Variants in MBP observed in about 807,000 individuals in gnomAD.
The protein encoded by MBP is myelin basic protein.
A neutral mutation model predicts 35.8 loss-of-function variants in MBP; 16 were observed. That is an observed-to-expected ratio of 0.45 (90% CI 0.30 to 0.68). The LOEUF (loss-of-function observed/expected upper bound fraction) is 0.68, where lower values mean the gene tolerates loss of function less well. Among genes scored for constraint, MBP ranks in the 30% least tolerant of loss-of-function variants. The pLI is 0.08. For synonymous variants in MBP, 143 were observed against 159.6 expected, an observed-to-expected ratio of 0.90 and a Z score of 0.78; for missense variants, 380 against 404.7, an observed-to-expected ratio of 0.94 and a Z score of 0.52.
rs1326884521 is a variant in MBP at position 77,131,075 on chromosome 18, GCACGCACGCGCACACACACACACA to G, written c.-26+1481_-26+1504del. Among the ~76,000 whole-genome samples the G allele has an allele frequency of 1.0e-4, 2 of 19,746 alleles. No individual in the cohort carries two copies. Among genetic ancestry groups the G allele is most frequent in the Non-Finnish European group, 2.5e-4 (1 of 4,018 alleles). The allele number at this position is 19,746 out of a possible 152,430, so 13.0% of individuals were successfully genotyped here. ...CAAAAAACAAAACACACACACGCGC[GCACGCACGCGCACACACACACACA>G]CACACACACACACACACACACCCCC... is the stretch of plus-strand genomic sequence containing the variant. On this transcript the variant is annotated intron_variant, in intron 1 of 8. Transcript: ENST00000355994. The surrounding 1 kb of genome is among the most constrained non-coding windows in gnomAD (Gnocchi z 5.5).
In MBP at chr18:77,087,772, CCTT is replaced by C; in HGVS notation, c.51+17436_51+17438del. The C allele has an allele frequency of 2.0e-5, 3 of 151,938 alleles. No homozygotes were observed. In the South Asian group the frequency reaches 6.2e-4, roughly 32 times the overall value. The allele number at this position is 151,938 out of a possible 1,614,324, so 9.4% of individuals were successfully genotyped here. ...CTTCCAGGCAGGCGCTGGGATGGGGCCTTCTCCTCCCAGGGTCGCCCTGGGGAC... is the reference window on the plus strand; with the variant it reads ...CTTCCAGGCAGGCGCTGGGATGGGGCCTCCTCCCAGGGTCGCCCTGGGGAC... On this transcript the variant is annotated intron_variant, in intron 2 of 8. Transcript: ENST00000355994.
chr18:77,092,490 T>G (rs1975576579), intron 2 of MBP, among the ~76,000 whole-genome samples: 1 of 152,106 alleles, frequency 6.6e-6, no homozygotes, highest in Admixed American at 6.6e-5. Context: ...GGCCCCAGAC[T>G]CGAGAATTCG....
intron 2 of MBP, among the ~76,000 whole-genome samples, chr18:77,071,648 G>T (rs557554340): frequency 1.3e-5 from 2 of 152,294 alleles, no homozygotes; most frequent in South Asian, 4.1e-4. Flanking sequence ...TAAAAGTCTT[G>T]TCTGGTTCTG....
At chr18:77,057,824 G>GATTTTTTTTT (rs1973785086) in intron 3 of MBP, among the ~76,000 whole-genome samples, 1 of 9,192 alleles carries the variant, frequency 1.1e-4, no homozygotes, top group East Asian at 6.9e-3. Flanking sequence ...GGCGGGGAGT[G>GATTTTTTTTT]TTTTTTTTTT....
intron 3 of MBP, among the ~76,000 whole-genome samples, chr18:77,062,730 A>G (rs891194362): frequency 1.3e-5 from 2 of 152,182 alleles, no homozygotes; most frequent in South Asian, 2.1e-4. Context: ...TGAGCACTCA[A>G]TGTGTGAACC....
intron 4 of MBP, chr18:77,009,809 AC>A (rs1394798783): frequency 6.6e-7 from 1 of 1,512,382 alleles, no homozygotes; most frequent in Non-Finnish European, 8.9e-7. Flanking sequence ...ACGGCAGGTC[AC>A]CCCTGGCCCC....
At position 77,017,130 on chromosome 18, in the gene MBP, C is replaced by T. The variant is rs761443800; in HGVS notation, c.278G>A (p.Arg93His). ...CCCCGGGGCATCTCGGGAAAAGAGG[C>T]GGATCAAGTGGGGGCGGCTCCCTGG... The part of the protein sequence containing the change: ...ADPGSRPHLI[R>H]LFSRDAPGRE... Residue 93 changes from arginine to histidine, a missense_variant, in exon 4 of 9, where the codon CGC becomes CAC. Arg to His is a conservative substitution (Grantham distance 29). Transcript: ENST00000355994. 4 of 1,581,494 alleles carry T rather than the reference C, an allele frequency of 2.5e-6. No individual in the cohort carries two copies. The highest frequency in any genetic ancestry group is 3.5e-5 in the Admixed American group (2 of 56,906).
In MBP at chr18:77,066,363, TCTC is replaced by T. The variant is rs1421244122; in HGVS notation, c.71_73del (p.Gly24del). The T allele has an allele frequency of 6.2e-7, 1 of 1,612,900 alleles. No homozygotes were observed. Among genetic ancestry groups the T allele is most frequent in the East Asian group, 2.2e-5 (1 of 44,876 alleles). Reference sequence around the variant, plus strand: ...ACCCAGGTTTCTCTTTTTTTCAGATTCTCCTCTGTTAGTTTCACTATTCTGGAA... The same window carrying T: ...ACCCAGGTTTCTCTTTTTTTCAGATTCTCTGTTAGTTTCACTATTCTGGAA... On this transcript the variant is annotated inframe_deletion, in exon 3 of 9. Transcript: ENST00000355994.
At position 76,989,008 on chromosome 18, in the gene MBP, A is replaced by G. The variant is rs1474474072; in HGVS notation, c.682-96T>C. ...TGCCTGCTGAGGGTGGCTAGCATCC[A>G]TCAGCTGCCAGAAGCACCCGGGTGC... On this transcript the variant is annotated intron_variant, in intron 5 of 8. Coordinates refer to ENST00000355994, the MANE Select transcript of MBP (RefSeq NM_001025101.2). The surrounding 1 kb of genome is among the most constrained non-coding windows in gnomAD (Gnocchi z 4.0). The G allele has an allele frequency of 2.5e-6, 3 of 1,208,472 alleles. No individual in the cohort carries two copies. Among genetic ancestry groups the G allele is most frequent in the African/African-American group, 3.0e-5 (2 of 66,886 alleles). 74.9% of individuals were successfully genotyped at this position (1,208,472 alleles called of 1,614,324 possible).
chr18:77,097,418 A>G (rs1404135730), intron 2 of MBP: 1 of 152,202 alleles, frequency 6.6e-6, no homozygotes, highest in Non-Finnish European at 1.5e-5. Flanking sequence ...TCCTCTGCAT[A>G]ACAAAAGATG....
chr18:77,040,473 G>A (rs1255436483), intron 3 of MBP, among the ~76,000 whole-genome samples: 4 of 152,098 alleles, frequency 2.6e-5, no homozygotes, highest in Non-Finnish European at 4.4e-5. Context: ...GCATTGCCAA[G>A]TCAATCCTAG....
intron 2 of MBP, among the ~76,000 whole-genome samples, chr18:77,073,561 G>C (rs1161598030): frequency 6.6e-6 from 1 of 152,240 alleles, no homozygotes; most frequent in Non-Finnish European, 1.5e-5. Flanking sequence ...GAATCCTTTA[G>C]AACTGTCAGT....
At chr18:77,029,074 G>A (rs188355622) in intron 3 of MBP, among the ~76,000 whole-genome samples, 1,676 of 98,178 alleles carry the variant, frequency 0.017, 87 homozygotes, top group African/African-American at 0.047. Flanking sequence ...GGGAGGTGGA[G>A]GTTGTAGCGA....
chr18:77,083,099 G>A (rs139639664), intron 2 of MBP, among the ~76,000 whole-genome samples: 14 of 151,892 alleles, frequency 9.2e-5, no homozygotes, highest in Admixed American at 4.6e-4. Context: ...TCAGCCCCCC[G>A]AGTAGCTGGG....
intron 4 of MBP, among the ~76,000 whole-genome samples, chr18:76,998,797 G>T (rs1276058991): frequency 1.3e-5 from 2 of 152,120 alleles, no homozygotes; most frequent in African/African-American, 2.4e-5. Flanking sequence ...ATCTGGGTCT[G>T]CAGTCCTTTC....
chr18:77,107,131 T>C (rs1352511215), intron 1 of MBP, among the ~76,000 whole-genome samples: 2 of 152,212 alleles, frequency 1.3e-5, no homozygotes, highest in African/African-American at 4.8e-5. Context: ...ACACACATTA[T>C]AGAATAAAAA....
intron 4 of MBP, among the ~76,000 whole-genome samples, chr18:76,991,669 T>C (rs1969929298): frequency 6.6e-6 from 1 of 152,134 alleles, no homozygotes; most frequent in African/African-American, 2.4e-5. Flanking sequence ...ATAGCCTGCA[T>C]GTAAAGAGCC....
chr18:76,985,726 CA>C, intron 7 of MBP: 1 of 1,008,670 alleles, frequency 9.9e-7, no homozygotes, highest in Middle Eastern at 5.0e-4. Context: ...TGGCCTTGGG[CA>C]AGGGCAGGAA....
chr18:77,034,682 T>C (rs1358409901), intron 3 of MBP, among the ~76,000 whole-genome samples: 1 of 152,096 alleles, frequency 6.6e-6, no homozygotes, highest in Admixed American at 6.5e-5. Flanking sequence ...AAGACGGAAA[T>C]TAATAAAATC....
Sources: allele counts gnomAD v4.1 joint callset (sites outside exome capture counted in the v4.1 genomes callset), GRCh38; gene constraint gnomAD v4.1.1; non-coding constraint Gnocchi (gnomAD v3.1); transcripts MANE v1.5; gene names NCBI Gene and HGNC (gene_info 2026-07-23, HGNC 2026-07-21).